LMLN: variants seen among roughly 807,000 people sequenced by gnomAD.
The protein encoded by LMLN is leishmanolysin like peptidase, also known as leishmanolysin-like peptidase.
A neutral mutation model predicts 92.3 loss-of-function variants in LMLN; 70 were observed. That is an observed-to-expected ratio of 0.76 (90% CI 0.63 to 0.92). The LOEUF is 0.92. Ranked by LOEUF, LMLN falls within the 40% of genes least tolerant of loss-of-function variation. The pLI is 0.00. For synonymous variants in LMLN, 308 were observed against 296.2 expected (o/e 1.04, Z -0.41); for missense variants, 691 against 814.6 (o/e 0.85, Z 1.85).
chr3:198,032,931 G>T (rs1322507702), intron 14 of LMLN, among the ~76,000 whole-genome samples: 1 of 152,198 alleles, frequency 6.6e-6, no homozygotes, highest in Admixed American at 6.5e-5. Flanking sequence ...CCTTTTGATT[G>T]TAGCTCTTAC....
chr3:198,040,618 C>G (rs1480410314), exon 16 of LMLN: 3 of 110,226 alleles, frequency 2.7e-5, no homozygotes, highest in East Asian at 2.4e-4. Flanking sequence ...CTCGGACAGA[C>G]TCCTCCTACT....
At chr3:197,973,302 C>CA in intron 1 of LMLN, among the ~76,000 whole-genome samples, 1 of 150,844 alleles carries the variant, frequency 6.6e-6, no homozygotes, top group South Asian at 2.1e-4. Flanking sequence ...AGTGCAGTGA[C>CA]AAAATCTCGG....
chr3:198,022,791 GGAGTTTGCAGT>G (rs1242162431), intron 13 of LMLN, among the ~76,000 whole-genome samples: 4 of 152,150 alleles, frequency 2.6e-5, no homozygotes, highest in African/African-American at 9.7e-5. Context: ...CCCAGGAGGC[GGAGTTTGCAGT>G]GAGTCGAGAT....
intron 11 of LMLN, among the ~76,000 whole-genome samples, chr3:198,012,000 A>C (rs1426411159): frequency 6.6e-6 from 1 of 152,232 alleles, no homozygotes; most frequent in Non-Finnish European, 1.5e-5. Context: ...AATATCGAGA[A>C]TCTACAATGA....
chr3:197,966,856 A>T (rs933346286), intron 1 of LMLN, among the ~76,000 whole-genome samples: 5 of 152,228 alleles, frequency 3.3e-5, no homozygotes, highest in African/African-American at 1.2e-4. Flanking sequence ...TAGTGGCACA[A>T]TCATAGCTCA....
intron 1 of LMLN, among the ~76,000 whole-genome samples, chr3:197,971,016 G>A (rs1347855152): frequency 6.6e-6 from 1 of 152,132 alleles, no homozygotes; most frequent in African/African-American, 2.4e-5. Flanking sequence ...TTTTTGAAGG[G>A]TACTTTCATT....
intron 12 of LMLN, among the ~76,000 whole-genome samples, chr3:198,020,364 A>G (rs1018758571): frequency 1.3e-5 from 2 of 152,190 alleles, no homozygotes; most frequent in African/African-American, 4.8e-5. Context: ...GCCATTTATA[A>G]AGGAACCTTT....
rs1169768725 is a variant in LMLN, at chr3:198,025,861, C to G, written c.1656+1073C>G. On this transcript the variant is annotated intron_variant, in intron 14 of 15. Coordinates refer to ENST00000330198, the Ensembl canonical transcript of LMLN. This position sits in a 1 kb window ranked among gnomAD's most constrained non-coding sequence, Gnocchi z 4.3. ...CAGAATCAGCATTCCTGTGCCATTT[C>G]AGCTGCAAGAGCTAAACGGACCTTT... Among the ~76,000 whole-genome samples the G allele has an allele frequency of 6.6e-6, 1 of 152,218 alleles. No homozygotes were observed. The highest frequency in any genetic ancestry group is 1.5e-5 in the Non-Finnish European group (1 of 68,038).
rs761334734 is a variant in LMLN at position 198,036,028 on chromosome 3, C to T, written c.1852C>T (p.Arg618Ter). The T allele has an allele frequency of 2.5e-6, 4 of 1,613,406 alleles. No homozygotes were observed. The highest frequency in any genetic ancestry group is 1.7e-5 in the Admixed American group (1 of 60,026). The change falls in exon 15 of 16, where the codon CGA becomes TGA. Residue 618 changes from arginine (R) to a stop codon, truncating the protein, a stop_gained. Transcript: ENST00000330198. LOFTEE classifies it high-confidence loss of function. ...AGATCCTCCAGCCACTAACCTGACC[C>T]GAGCTCTGCCACTTGGTGAGTGCTC...
exon 2 of LMLN, chr3:197,974,454 C>T (rs141563942): frequency 7.8e-5 from 122 of 1,565,328 alleles, no homozygotes; most frequent in Non-Finnish European, 1.0e-4. Context: ...TCAAGACTGT[C>T]TATGATAAAA....
intron 1 of LMLN, among the ~76,000 whole-genome samples, chr3:197,960,799 C>T (rs1045185419): frequency 6.6e-6 from 1 of 152,112 alleles, no homozygotes; most frequent in African/African-American, 2.4e-5. Context: ...CCAGAGTTGA[C>T]AGTTTACGTT....
Position 198,019,484 on chromosome 3 carries a change from A to C in LMLN, c.1365+99A>C. ...ATTCTCTTAAGATTCTTAATTTATA[A>C]GGCCTTGTTTGTTTTCTGTAAGTTA... On this transcript the variant is annotated intron_variant, in intron 12 of 15. Transcript: ENST00000330198. This position sits in a 1 kb window ranked among gnomAD's most constrained non-coding sequence, Gnocchi z 5.5. 8.2e-7 allele frequency: 1 copy of C among 1,221,492 alleles called. No homozygotes were observed. The allele number at this position is 1,221,492 out of a possible 1,614,324, so 75.7% of individuals were successfully genotyped here. A position where few individuals can be genotyped will look rare whatever the true frequency, so the allele number is the denominator to read the frequency against.
In LMLN at chr3:197,968,910, C is replaced by A. The variant is rs1396726578; in HGVS notation, c.220-5467C>A. On this transcript the variant is annotated intron_variant, in intron 1 of 15. Coordinates refer to ENST00000330198, the Ensembl canonical transcript of LMLN. ...ATTGGACTATTCAGGTTATTTATTT[C>A]TTAACAGTGTTTTATTAAGTTATGT... 7.2e-5 allele frequency among the ~76,000 whole-genome samples: 11 copies of A among 152,282 alleles called. No individual in the cohort carries two copies. The East Asian group carries it at 1.9e-3, about 27-fold the overall frequency.
chr3:198,016,508 G>A (rs1322039791), intron 11 of LMLN, among the ~76,000 whole-genome samples: 1 of 152,170 alleles, frequency 6.6e-6, no homozygotes, highest in East Asian at 1.9e-4. Context: ...CTGAGAGCCG[G>A]GCACTAGCAT....
chr3:197,977,039 C>A (rs2109859517), intron 5 of LMLN, among the ~76,000 whole-genome samples: 1 of 152,256 alleles, frequency 6.6e-6, no homozygotes, highest in East Asian at 1.9e-4. Context: ...AGTCTGACAT[C>A]TCTTAAGATA....
chr3:198,018,004 A>T (rs912800664), intron 11 of LMLN, among the ~76,000 whole-genome samples: 5 of 152,200 alleles, frequency 3.3e-5, no homozygotes, highest in African/African-American at 1.2e-4. Flanking sequence ...GGCAGCACAG[A>T]TGTACACCTT....
At chr3:198,033,448 A>C (rs927951681) in intron 14 of LMLN, among the ~76,000 whole-genome samples, 3 of 151,416 alleles carry the variant, frequency 2.0e-5, no homozygotes, top group African/African-American at 7.3e-5. Flanking sequence ...ATGGAGTCTC[A>C]CTCTGTCACC....
intron 14 of LMLN, among the ~76,000 whole-genome samples, chr3:198,027,862 A>T (rs1337123439): frequency 1.3e-5 from 2 of 151,708 alleles, no homozygotes; most frequent in East Asian, 3.9e-4. Context: ...TTTTCAGTCT[A>T]CTCAGCAGTA....
At chr3:197,981,728 T>C (rs1329726389) in intron 6 of LMLN, among the ~76,000 whole-genome samples, 2 of 152,072 alleles carry the variant, frequency 1.3e-5, no homozygotes, top group Admixed American at 6.6e-5. Flanking sequence ...CAGAATAGAT[T>C]GTATATAACA....
Sources: gnomAD v4.1 joint callset for allele counts (sites outside exome capture counted in the v4.1 genomes callset) on GRCh38, gnomAD v4.1.1 for gene constraint, Gnocchi (gnomAD v3.1) non-coding constraint, MANE v1.5 for transcripts, NCBI Gene and HGNC (gene_info 2026-07-23, HGNC 2026-07-21) for gene names.